Variants in CDH18 observed in about 807,000 individuals in gnomAD.
The protein encoded by CDH18 is cadherin 18, also known as cadherin-18.
In CDH18, 31 loss-of-function variants were observed where a neutral mutation model predicts 67.9. The observed-to-expected ratio is 0.46, with a 90% confidence interval of 0.34 to 0.62. The LOEUF (loss-of-function observed/expected upper bound fraction) is 0.62. CDH18 is among the 20% of genes least tolerant of loss of function. The probability of loss-of-function intolerance (pLI) is 0.01; values close to 1 mark genes in which losing one functional copy is unlikely to be tolerated. For synonymous variants in CDH18, 362 were observed against 347.2 expected (o/e 1.04, Z -0.48); for missense variants, 890 against 975.5 (o/e 0.91, Z 1.17).
chr5:19,506,557 A>G, intron 10 of CDH18, among the ~76,000 whole-genome samples: 1 of 152,204 alleles, frequency 6.6e-6, no homozygotes, highest in Non-Finnish European at 1.5e-5. Flanking sequence ...GTACCAAAAC[A>G]GAGATATAGA....
chr5:19,834,151 G>GC (rs1781356901), intron 3 of CDH18, among the ~76,000 whole-genome samples: 5 of 112,200 alleles, frequency 4.5e-5, no homozygotes, highest in Non-Finnish European at 9.6e-5. Context: ...CTGGTCCTGG[G>GC]ATTTTTTTTT....
At chr5:20,208,193 G>A (rs912163334) in intron 2 of CDH18, among the ~76,000 whole-genome samples, 2 of 152,268 alleles carry the variant, frequency 1.3e-5, no homozygotes, top group African/African-American at 2.4e-5. Context: ...AAACAGGCAT[G>A]TCTTACATGG....
At chr5:19,986,158 CAT>C (rs1429531311) in intron 1 of CDH18, among the ~76,000 whole-genome samples, 1 of 152,186 alleles carries the variant, frequency 6.6e-6, no homozygotes, top group Non-Finnish European at 1.5e-5. Flanking sequence ...ATAAATGACT[CAT>C]ATATTCTCAC....
chr5:20,068,916 C>A (rs1321721772), intron 2 of CDH18, among the ~76,000 whole-genome samples: 1 of 152,012 alleles, frequency 6.6e-6, no homozygotes, highest in Non-Finnish European at 1.5e-5. Flanking sequence ...AAAATAAAAA[C>A]AAATTTACTA....
chr5:19,556,580 A>T (rs1738464265), intron 8 of CDH18, among the ~76,000 whole-genome samples: 2 of 152,108 alleles, frequency 1.3e-5, no homozygotes, highest in South Asian at 4.1e-4. Flanking sequence ...AGAAAAAGAA[A>T]AAAAAAATTT....
chr5:20,453,160 G>A (rs1750590787), intron 1 of CDH18, among the ~76,000 whole-genome samples: 1 of 152,156 alleles, frequency 6.6e-6, no homozygotes, highest in Non-Finnish European at 1.5e-5. Context: ...TACCATTCAT[G>A]TGGAAGGCTG....
intron 2 of CDH18, among the ~76,000 whole-genome samples, chr5:19,862,847 G>A (rs1413233710): frequency 2.6e-5 from 4 of 151,630 alleles, no homozygotes; most frequent in African/African-American, 9.7e-5. Context: ...ATCAATAGAC[G>A]AGGAGACACC....
intron 1 of CDH18, among the ~76,000 whole-genome samples, chr5:20,437,506 A>G (rs1239058593): frequency 6.6e-6 from 1 of 151,374 alleles, no homozygotes; most frequent in Non-Finnish European, 1.5e-5. Flanking sequence ...CAGAGTAGAT[A>G]GCATAATTTC....
chr5:19,993,867 A>G lies in CDH18; in HGVS notation c.-517-1853T>C, dbSNP rs369759860. ...TTACTGATGAAGATATTCGGCTCATATATTTACGTAAATTTTCATGTTTGT... is the reference window on the plus strand; with the variant it reads ...TTACTGATGAAGATATTCGGCTCATGTATTTACGTAAATTTTCATGTTTGT... On this transcript the variant is annotated intron_variant, in intron 2 of 14. Coordinates refer to the CDH18 transcript ENST00000507958. Among the ~76,000 whole-genome samples the G allele has an allele frequency of 6.1e-4, 93 of 152,212 alleles. No individual in the cohort carries two copies. In the South Asian group the frequency reaches 0.017, roughly 27 times the overall value.
At chr5:20,027,933 G>A (rs1407304064) in intron 2 of CDH18, among the ~76,000 whole-genome samples, 5 of 151,998 alleles carry the variant, frequency 3.3e-5, no homozygotes, top group African/African-American at 1.2e-4. Flanking sequence ...AATATGAGAC[G>A]ACTTTTTGTC....
intron 11 of CDH18, among the ~76,000 whole-genome samples, chr5:19,496,131 A>T (rs536040198): frequency 6.6e-6 from 1 of 152,336 alleles, no homozygotes; most frequent in South Asian, 2.1e-4. Flanking sequence ...GGTGTTGAAC[A>T]GTGATTAAAG....
At chr5:20,183,001 T>C (rs891649657) in intron 2 of CDH18, among the ~76,000 whole-genome samples, 7 of 152,134 alleles carry the variant, frequency 4.6e-5, no homozygotes, top group African/African-American at 1.7e-4. Flanking sequence ...AGGCTAATCC[T>C]TGATCTTTCT....
chr5:20,249,383 T>TA (rs1350763586), intron 2 of CDH18, among the ~76,000 whole-genome samples: 2 of 17,974 alleles, frequency 1.1e-4, no homozygotes, highest in Non-Finnish European at 1.8e-3. Flanking sequence ...CCTTTAAAAC[T>TA]TTTTTTTTTT....
chr5:20,059,690 A>G (rs2150506330), intron 2 of CDH18, among the ~76,000 whole-genome samples: 1 of 152,334 alleles, frequency 6.6e-6, no homozygotes, highest in South Asian at 2.1e-4. Flanking sequence ...ACTGTTCACA[A>G]TAGCAAAGAC....
chr5:20,268,223 G>A lies in CDH18; in HGVS notation c.-579-12718C>T, dbSNP rs185543920. Among the ~76,000 whole-genome samples, 3 of 152,244 alleles carry A rather than the reference G, an allele frequency of 2.0e-5. No homozygotes were observed. In the East Asian group the frequency reaches 5.8e-4, roughly 29 times the overall value. On this transcript the variant is annotated intron_variant, in intron 1 of 14. Coordinates refer to the CDH18 transcript ENST00000507958. ...TGATGGACACCTAGGTTGCTTCCATGTCTTTGCTATTGTGAATAGTGCTGC... is the reference window on the plus strand; with the variant it reads ...TGATGGACACCTAGGTTGCTTCCATATCTTTGCTATTGTGAATAGTGCTGC...
At chr5:20,082,083 C>G (rs1744527317) in intron 2 of CDH18, among the ~76,000 whole-genome samples, 2 of 151,776 alleles carry the variant, frequency 1.3e-5, no homozygotes, top group Admixed American at 1.3e-4. Flanking sequence ...CATATACACA[C>G]AGACATAAAC....
rs1205661116 is a variant in CDH18, at chr5:19,667,114, AAT to A, written c.643+54231_643+54232del. Among the ~76,000 whole-genome samples, 15 of 152,014 alleles carry A rather than the reference AAT, an allele frequency of 9.9e-5. No individual in the cohort carries two copies. The East Asian group carries it at 1.5e-3, about 16-fold the overall frequency. ...ATATTAACATATGTGTTTGTTATTAAATATGTTATTTATAAATTAGCAATTAA... is the reference window on the plus strand; with the variant it reads ...ATATTAACATATGTGTTTGTTATTAAATGTTATTTATAAATTAGCAATTAA... On this transcript the variant is annotated intron_variant, in intron 5 of 12. Transcript: ENST00000382275.
At chr5:20,501,789 G>A (rs1473736914) in intron 1 of CDH18, among the ~76,000 whole-genome samples, 1 of 143,770 alleles carries the variant, frequency 7.0e-6, no homozygotes, top group African/African-American at 2.6e-5. Context: ...TATAGCCCAA[G>A]TGTACTTGTG....
intron 5 of CDH18, among the ~76,000 whole-genome samples, chr5:19,703,775 T>G (rs144812159): frequency 0.041 from 5,895 of 142,452 alleles, 378 homozygotes; most frequent in African/African-American, 0.14. Flanking sequence ...CATTTGAGCC[T>G]TTTCCTTTTA....
Sources: allele counts gnomAD v4.1 joint callset (sites outside exome capture counted in the v4.1 genomes callset), GRCh38; gene constraint gnomAD v4.1.1; transcripts MANE v1.5; gene names NCBI Gene and HGNC (gene_info 2026-07-23, HGNC 2026-07-21).